The following MEF2C variants were observed in gnomAD, a reference collection of about 807,000 sequenced individuals.
The protein encoded by MEF2C is myocyte enhancer factor 2C, also known as myocyte-specific enhancer factor 2C.
A neutral mutation model predicts 50.5 loss-of-function variants in MEF2C; 6 were observed. The ratio of observed to expected loss-of-function variants is 0.12; its 90% CI spans 0.07 to 0.23. The LOEUF is 0.23. MEF2C is among the 10% of genes least tolerant of loss of function. MEF2C has a pLI of 1.00. For missense variants in MEF2C, 276 were observed against 605.0 expected (o/e 0.46, Z 5.70); for synonymous variants, 183 against 228.0 (o/e 0.80, Z 1.78).
chr5:88,723,520 G>A (rs1481138780), intron 10 of MEF2C, among the ~76,000 whole-genome samples: 1 of 152,116 alleles, frequency 6.6e-6, no homozygotes, highest in Non-Finnish European at 1.5e-5. Flanking sequence ...AAGCTTTGGA[G>A]GTGGAAAAAA....
chr5:88,837,572 G>C (rs1016456014), intron 1 of MEF2C, among the ~76,000 whole-genome samples: 1 of 151,978 alleles, frequency 6.6e-6, no homozygotes, highest in East Asian at 1.9e-4. Context: ...AAGGGAGCCG[G>C]GTTCAGTCTC....
At chr5:88,779,993 A>G (rs187562424) in intron 3 of MEF2C, among the ~76,000 whole-genome samples, 1 of 151,934 alleles carries the variant, frequency 6.6e-6, no homozygotes, top group Non-Finnish European at 1.5e-5. Flanking sequence ...AAAAATACAA[A>G]AAAATTAGCT....
intron 1 of MEF2C, among the ~76,000 whole-genome samples, chr5:88,847,586 AT>A (rs1819784418): frequency 6.6e-6 from 1 of 152,176 alleles, no homozygotes; most frequent in African/African-American, 2.4e-5. Context: ...CCTGGACAAT[AT>A]TTTAAGACTA....
chr5:88,746,204 G>A (rs180952047), intron 6 of MEF2C, among the ~76,000 whole-genome samples: 135 of 152,298 alleles, frequency 8.9e-4, no homozygotes, highest in African/African-American at 3.1e-3. Flanking sequence ...GTCCTGGGGA[G>A]ACTGAAGCAG....
At chr5:88,790,755 C>G (rs1793388629) in intron 3 of MEF2C, among the ~76,000 whole-genome samples, 1 of 152,024 alleles carries the variant, frequency 6.6e-6, no homozygotes, top group Admixed American at 6.6e-5. Flanking sequence ...TTTATTTATG[C>G]TAATGATCAT....
At chr5:88,787,649 A>AAT (rs1278829608) in intron 3 of MEF2C, among the ~76,000 whole-genome samples, 1 of 152,244 alleles carries the variant, frequency 6.6e-6, no homozygotes, top group Non-Finnish European at 1.5e-5. Context: ...TCTTTAGAAA[A>AAT]ATCACTTTGT....
intron 3 of MEF2C, among the ~76,000 whole-genome samples, chr5:88,779,402 G>A (rs1455077839): frequency 6.6e-6 from 1 of 152,090 alleles, no homozygotes. Flanking sequence ...AGGTGGCTGG[G>A]AGAAGTTAGA....
intron 5 of MEF2C, chr5:88,750,261 T>G: frequency 4.9e-6 from 1 of 205,736 alleles, no homozygotes; most frequent in Non-Finnish European, 8.5e-6. Flanking sequence ...TGGAGTATAG[T>G]GGCAGTAATA....
intron 6 of MEF2C, chr5:88,738,696 GAC>G: frequency 1.0e-6 from 1 of 985,316 alleles, no homozygotes; most frequent in Non-Finnish European, 1.2e-6. Context: ...ATGAAGAGAG[GAC>G]ACAACTAGGG....
At chr5:88,799,882 A>T (rs1045477383) in intron 3 of MEF2C, among the ~76,000 whole-genome samples, 20 of 88,874 alleles carry the variant, frequency 2.3e-4, no homozygotes, top group African/African-American at 6.5e-4. Flanking sequence ...ACACACACAC[A>T]CACACACACA....
intron 1 of MEF2C, among the ~76,000 whole-genome samples, chr5:88,845,418 T>A (rs1340657402): frequency 6.6e-6 from 1 of 152,250 alleles, no homozygotes; most frequent in Non-Finnish European, 1.5e-5. Flanking sequence ...AAGTGCTTTT[T>A]AATAAGCCAA....
At chr5:88,891,934 C>CA (rs1834623830) in intron 1 of MEF2C, among the ~76,000 whole-genome samples, 1 of 151,948 alleles carries the variant, frequency 6.6e-6, no homozygotes, top group Non-Finnish European at 1.5e-5. Context: ...TAGTAGTTAC[C>CA]TTTTAACTTA....
chr5:88,887,871 G>C (rs1834163198), upstream of MEF2C, among the ~76,000 whole-genome samples: 1 of 152,150 alleles, frequency 6.6e-6, no homozygotes, highest in Non-Finnish European at 1.5e-5. Context: ...CTGTGATTGA[G>C]AATTTGCAAT....
intron 1 of MEF2C, among the ~76,000 whole-genome samples, chr5:88,857,328 ATTTTGATAGGTGGAACTAACTAACATGC>A (rs1376324101): frequency 3.9e-5 from 6 of 152,140 alleles, no homozygotes; most frequent in Admixed American, 2.6e-4. Flanking sequence ...CATGCTTTTG[ATTTTGATAGGTGGAACTAACTAACATGC>A]TTTTGATAGG....
intron 3 of MEF2C, among the ~76,000 whole-genome samples, chr5:88,762,283 G>T (rs1030325388): frequency 3.9e-5 from 6 of 152,154 alleles, no homozygotes; most frequent in Non-Finnish European, 5.9e-5. Flanking sequence ...GTTTTACTTG[G>T]TTTTTTAAAT....
chr5:88,747,770 A>G (rs989880784), intron 6 of MEF2C, among the ~76,000 whole-genome samples: 1 of 152,130 alleles, frequency 6.6e-6, no homozygotes, highest in African/African-American at 2.4e-5. Flanking sequence ...TTCTTATATT[A>G]TATCTTGGTC....
chr5:88,748,601 T>G (rs761038637), intron 6 of MEF2C, among the ~76,000 whole-genome samples: 43 of 152,264 alleles, frequency 2.8e-4, no homozygotes, highest in Non-Finnish European at 5.6e-4. Context: ...AATGCCAATG[T>G]GATTTTATTT....
intron 3 of MEF2C, among the ~76,000 whole-genome samples, chr5:88,793,125 C>A (rs1167316154): frequency 6.6e-6 from 1 of 152,062 alleles, no homozygotes; most frequent in African/African-American, 2.4e-5. Context: ...AAAGATAGAA[C>A]ACATGATGAC....
At chr5:88,738,222 G>A in intron 6 of MEF2C, 15 of 985,348 alleles carry the variant, frequency 1.5e-5, no homozygotes, top group Non-Finnish European at 1.8e-5. Flanking sequence ...TAATCTGAAT[G>A]AGAGGCTCTC....
Sources: gnomAD v4.1 joint callset for allele counts (sites outside exome capture counted in the v4.1 genomes callset) on GRCh38, gnomAD v4.1.1 for gene constraint, MANE v1.5 for transcripts, NCBI Gene and HGNC (gene_info 2026-07-23, HGNC 2026-07-21) for gene names.